Variants in FOXP2 observed in about 807,000 individuals in gnomAD.
FOXP2 encodes forkhead box P2.
In FOXP2, 12 loss-of-function variants were observed where a neutral mutation model predicts 115.8. The observed-to-expected ratio is 0.10, with a 90% confidence interval of 0.07 to 0.17. The LOEUF (loss-of-function observed/expected upper bound fraction) is 0.17. Ranked by LOEUF, FOXP2 falls within the 10% of genes least tolerant of loss-of-function variation. The pLI, the probability that FOXP2 is intolerant of heterozygous loss-of-function variation, is 1.00. For missense variants in FOXP2, 629 were observed against 843.5 expected, an observed-to-expected ratio of 0.75 and a Z score of 3.15; for synonymous variants, 328 against 297.7, an observed-to-expected ratio of 1.10 and a Z score of -1.05.
chr7:114,112,233 C>T (rs1431839149), intron 1 of FOXP2, among the ~76,000 whole-genome samples: 5 of 151,978 alleles, frequency 3.3e-5, no homozygotes, highest in Non-Finnish European at 7.4e-5. Flanking sequence ...GGCACTGAAA[C>T]AGAGAATCAG....
At chr7:114,176,743 T>C (rs1175756619) in intron 1 of FOXP2, among the ~76,000 whole-genome samples, 2 of 149,608 alleles carry the variant, frequency 1.3e-5, no homozygotes, top group Non-Finnish European at 3.0e-5. Flanking sequence ...TAAATGCACA[T>C]CTTGAAGAAT....
At chr7:114,296,206 C>T (rs1274404563) in intron 2 of FOXP2, among the ~76,000 whole-genome samples, 4 of 152,270 alleles carry the variant, frequency 2.6e-5, no homozygotes, top group South Asian at 2.1e-4. Context: ...AATGGGTTCT[C>T]TCCAAGAGAG....
At chr7:114,132,284 C>T (rs764912838) in intron 1 of FOXP2, among the ~76,000 whole-genome samples, 4 of 152,080 alleles carry the variant, frequency 2.6e-5, no homozygotes, top group Admixed American at 1.3e-4. Flanking sequence ...GTCTTCACAT[C>T]ATCATCCACT....
At chr7:114,458,465 A>C (rs1795416025) in intron 2 of FOXP2, among the ~76,000 whole-genome samples, 1 of 151,586 alleles carries the variant, frequency 6.6e-6, no homozygotes, top group Non-Finnish European at 1.5e-5. Flanking sequence ...CTATTTTAAG[A>C]GCCAATTATT....
chr7:114,684,360 G>T (rs2129351695), intron 16 of FOXP2, among the ~76,000 whole-genome samples: 1 of 152,276 alleles, frequency 6.6e-6, no homozygotes, highest in East Asian at 1.9e-4. Context: ...GACCTCCGAG[G>T]TCTTCTCAAG....
chr7:114,211,128 T>C (rs1794335330), intron 1 of FOXP2, among the ~76,000 whole-genome samples: 1 of 152,184 alleles, frequency 6.6e-6, no homozygotes, highest in Non-Finnish European at 1.5e-5. Flanking sequence ...GGGTCTTAAC[T>C]TACGAGGTGC....
upstream of FOXP2, chr7:114,086,505 C>T: frequency 2.8e-6 from 1 of 362,746 alleles, no homozygotes; most frequent in Non-Finnish European, 5.4e-6. Context: ...CCCCCACTCG[C>T]GGCAGCAGCT....
intron 16 of FOXP2, among the ~76,000 whole-genome samples, chr7:114,674,711 G>A (rs1170850430): frequency 6.6e-6 from 1 of 151,956 alleles, no homozygotes; most frequent in Non-Finnish European, 1.5e-5. Context: ...GTTTTAATTG[G>A]ACATCTTTCT....
chr7:114,189,206 C>T (rs1793691970), intron 1 of FOXP2, among the ~76,000 whole-genome samples: 2 of 152,114 alleles, frequency 1.3e-5, no homozygotes, highest in South Asian at 2.1e-4. Flanking sequence ...TACCATATAT[C>T]CAATTCATGT....
intron 1 of FOXP2, among the ~76,000 whole-genome samples, chr7:114,090,538 A>G (rs181057109): frequency 6.6e-6 from 1 of 151,972 alleles, no homozygotes; most frequent in East Asian, 1.9e-4. Flanking sequence ...GAGTTCAAAT[A>G]AATCCAACCC....
At chr7:114,377,883 C>A (rs1792181597) in intron 2 of FOXP2, among the ~76,000 whole-genome samples, 1 of 152,192 alleles carries the variant, frequency 6.6e-6, no homozygotes, top group African/African-American at 2.4e-5. Flanking sequence ...TTCCACACAT[C>A]AACCACAAGA....
chr7:114,423,885 A>G (rs1001464581), intron 1 of FOXP2, among the ~76,000 whole-genome samples: 2 of 151,522 alleles, frequency 1.3e-5, no homozygotes, highest in South Asian at 2.1e-4. Context: ...AATGTACAGT[A>G]TAATCATCTA....
At position 114,690,566 on chromosome 7, in the gene FOXP2, A is replaced by G. The variant is rs1320629026; in HGVS notation, c.*640A>G. On this transcript the variant is annotated 3_prime_UTR_variant, in exon 17 of 17. Transcript: ENST00000350908. The stretch of plus-strand genomic sequence containing the variant: ...AATTAGACTGTTGCAACCATCTAAA[A>G]CCTTAGGCTTCCAGTCTGTGCTGTT... 3 of 454,062 alleles carry G rather than the reference A, an allele frequency of 6.6e-6. No individual in the cohort carries two copies. The highest frequency in any genetic ancestry group is 6.9e-5 in the East Asian group (1 of 14,396). 28.1% of individuals were successfully genotyped at this position (454,062 alleles called of 1,614,324 possible). A position where few individuals can be genotyped will look rare whatever the true frequency, so the allele number is the denominator to read the frequency against.
chr7:114,507,403 A>G (rs555242596), intron 2 of FOXP2, among the ~76,000 whole-genome samples: 4 of 152,034 alleles, frequency 2.6e-5, no homozygotes, highest in African/African-American at 4.8e-5. Context: ...CAATTTCACT[A>G]TTGTGTACAT....
intron 2 of FOXP2, among the ~76,000 whole-genome samples, chr7:114,369,565 A>G (rs529127506): frequency 6.6e-6 from 1 of 152,300 alleles, no homozygotes; most frequent in Admixed American, 6.5e-5. Flanking sequence ...TCCCATAATA[A>G]AGGCCTTGAT....
chr7:114,644,027 A>G (rs1805732542), intron 7 of FOXP2, among the ~76,000 whole-genome samples: 1 of 152,154 alleles, frequency 6.6e-6, no homozygotes, highest in Non-Finnish European at 1.5e-5. Flanking sequence ...ATTAGTATAA[A>G]GTGGTATGCT....
intron 1 of FOXP2, among the ~76,000 whole-genome samples, chr7:114,153,648 CT>C (rs1308158625): frequency 6.6e-6 from 1 of 152,122 alleles, no homozygotes; most frequent in Non-Finnish European, 1.5e-5. Context: ...TGGAAGTTAA[CT>C]CTTGAATGTA....
At chr7:114,395,675 G>C (rs994013508) in intron 2 of FOXP2, among the ~76,000 whole-genome samples, 1 of 152,034 alleles carries the variant, frequency 6.6e-6, no homozygotes, top group African/African-American at 2.4e-5. Context: ...AACATGAGAT[G>C]TAGATTTGAG....
intron 3 of FOXP2, among the ~76,000 whole-genome samples, chr7:114,593,429 CTA>C (rs1436772429): frequency 2.0e-5 from 3 of 152,058 alleles, no homozygotes; most frequent in African/African-American, 7.2e-5. Flanking sequence ...CTTGTCCATT[CTA>C]TGTGTGGGCA....
Sources: gnomAD v4.1 joint callset for allele counts (sites outside exome capture counted in the v4.1 genomes callset) on GRCh38, gnomAD v4.1.1 for gene constraint, MANE v1.5 for transcripts, NCBI Gene and HGNC (gene_info 2026-07-23, HGNC 2026-07-21) for gene names.